The following RIMS2 variants were observed in gnomAD, a reference collection of about 807,000 sequenced individuals.
RIMS2 encodes the protein regulating synaptic membrane exocytosis protein 2.
RIMS2 carries 59 observed loss-of-function variants against 174.4 expected under a neutral mutation model. The ratio of observed to expected loss-of-function variants is 0.34; its 90% CI spans 0.27 to 0.42. The LOEUF is 0.42. Among genes scored for constraint, RIMS2 ranks in the 10% least tolerant of loss-of-function variants. The pLI is 1.00. For synonymous variants in RIMS2, 606 were observed against 572.5 expected, an observed-to-expected ratio of 1.06 and a Z score of -0.84; for missense variants, 1,620 against 1,666.3, an observed-to-expected ratio of 0.97 and a Z score of 0.48.
In RIMS2 at chr8:104,148,594, C is replaced by T; in HGVS notation, c.3335-96322C>T. On this transcript the variant is annotated intron_variant, in intron 19 of 23. Coordinates refer to ENST00000504942, the Ensembl canonical transcript of RIMS2. Reference sequence around the variant, plus strand: ...ACTCTTGTCCTCACTTTTAATGATCCATCGGCTGACAGTGTCTTTACATCC... The same window carrying T: ...ACTCTTGTCCTCACTTTTAATGATCTATCGGCTGACAGTGTCTTTACATCC... The T allele has an allele frequency of 1.9e-6, 3 of 1,592,772 alleles. No homozygotes were observed. The highest frequency in any genetic ancestry group is 2.6e-6 in the Non-Finnish European group (3 of 1,176,344).
At chr8:103,584,737 A>G (rs1441769888) in intron 1 of RIMS2, among the ~76,000 whole-genome samples, 2 of 152,208 alleles carry the variant, frequency 1.3e-5, no homozygotes, top group Admixed American at 6.5e-5. Flanking sequence ...CAATGCATAC[A>G]CAAAAAATAA....
chr8:103,517,105 T>C (rs1319752599), intron 1 of RIMS2, among the ~76,000 whole-genome samples: 1 of 152,170 alleles, frequency 6.6e-6, no homozygotes, highest in Admixed American at 6.5e-5. Context: ...GCTTATAATT[T>C]AGTGGTAAAG....
At chr8:103,539,022 AT>A (rs1231640459) in intron 1 of RIMS2, among the ~76,000 whole-genome samples, 1 of 152,142 alleles carries the variant, frequency 6.6e-6, no homozygotes, top group African/African-American at 2.4e-5. Context: ...ATCCAAGTTA[AT>A]TTTTCATAAG....
At chr8:103,556,001 AAGAG>A (rs1276941288) in intron 1 of RIMS2, among the ~76,000 whole-genome samples, 1 of 152,222 alleles carries the variant, frequency 6.6e-6, no homozygotes, top group East Asian at 1.9e-4. Flanking sequence ...AATTCATAGA[AAGAG>A]AGAGTAGAAT....
At chr8:103,640,676 G>A (rs955476509) in intron 1 of RIMS2, among the ~76,000 whole-genome samples, 3 of 151,928 alleles carry the variant, frequency 2.0e-5, no homozygotes, top group African/African-American at 7.2e-5. Flanking sequence ...CTATAGTTGT[G>A]CTGTTAATTT....
At chr8:103,676,038 C>T (rs1734892328) in intron 1 of RIMS2, among the ~76,000 whole-genome samples, 1 of 152,094 alleles carries the variant, frequency 6.6e-6, no homozygotes, top group South Asian at 2.1e-4. Flanking sequence ...TATCCTATCA[C>T]CATTTATTCA....
At position 103,873,656 on chromosome 8, in the gene RIMS2, G is replaced by A. The variant is rs908003395; in HGVS notation, c.699-11642G>A. Among the ~76,000 whole-genome samples, 13 of 152,168 alleles carry A rather than the reference G, an allele frequency of 8.5e-5. No homozygotes were observed. In the East Asian group the frequency reaches 2.5e-3, roughly 29 times the overall value. ...CAACATCAGAATTATCATGTAAAAT[G>A]TGATATTAAATATGCAATATTTTGA... On this transcript the variant is annotated intron_variant, in intron 3 of 23. Coordinates refer to ENST00000504942, the Ensembl canonical transcript of RIMS2.
At chr8:103,609,488 G>T (rs551026477) in intron 1 of RIMS2, among the ~76,000 whole-genome samples, 5 of 152,124 alleles carry the variant, frequency 3.3e-5, no homozygotes, top group Non-Finnish European at 4.4e-5. Flanking sequence ...ATAGTTTCAG[G>T]CTTTACATTT....
intron 16 of RIMS2, among the ~76,000 whole-genome samples, chr8:103,979,986 C>A (rs2093756277): frequency 1.3e-5 from 2 of 152,020 alleles, no homozygotes; most frequent in Admixed American, 1.3e-4. Context: ...GCTCTGGAGT[C>A]CTAGGTAAAC....
chr8:104,250,981 C>G (rs765316925), intron 22 of RIMS2, 43 bp from the exon 29 acceptor site: 31 of 1,576,474 alleles, frequency 2.0e-5, no homozygotes, highest in Non-Finnish European at 2.4e-5. Context: ...CATTTCATGT[C>G]CATAGTTTAT....
At chr8:103,910,292 T>G in intron 5 of RIMS2, 29 bp from the exon 8 acceptor site, 1 of 463,848 alleles carries the variant, frequency 2.2e-6, no homozygotes, top group Non-Finnish European at 3.0e-6. Flanking sequence ...TTTTTGTATC[T>G]TTTTTTTTTT....
chr8:103,871,561 G>T (rs929128229), intron 3 of RIMS2, among the ~76,000 whole-genome samples: 53 of 151,682 alleles, frequency 3.5e-4, no homozygotes, highest in Non-Finnish European at 1.0e-4. Context: ...TTTAAATGAA[G>T]TCTGACACTC....
chr8:104,009,853 CT>C (rs2095700582), intron 17 of RIMS2, among the ~76,000 whole-genome samples: 2 of 152,102 alleles, frequency 1.3e-5, no homozygotes, highest in South Asian at 4.1e-4. Context: ...AGACTAGGTC[CT>C]GAGTTACATA....
chr8:104,130,429 G>T (rs981864582), intron 19 of RIMS2, among the ~76,000 whole-genome samples: 1 of 152,138 alleles, frequency 6.6e-6, no homozygotes, highest in Admixed American at 6.5e-5. Flanking sequence ...GAATCCTGTA[G>T]CTGACTGAAA....
At chr8:103,654,978 T>C (rs2096507306) in intron 1 of RIMS2, among the ~76,000 whole-genome samples, 1 of 151,918 alleles carries the variant, frequency 6.6e-6, no homozygotes, top group African/African-American at 2.4e-5. Context: ...ATTTTGCGGT[T>C]GTTGAAAAAT....
At chr8:103,891,843 A>G (rs1266455392) in intron 4 of RIMS2, among the ~76,000 whole-genome samples, 6 of 152,106 alleles carry the variant, frequency 3.9e-5, no homozygotes, top group Non-Finnish European at 8.8e-5. Flanking sequence ...GACCTAGCAT[A>G]GGAGGAAGGA....
chr8:104,177,290 TG>T (rs2098907536), intron 19 of RIMS2, among the ~76,000 whole-genome samples: 1 of 152,150 alleles, frequency 6.6e-6, no homozygotes. Context: ...TGTTTAATAG[TG>T]TGGTGATGGT....
chr8:103,785,349 G>A (rs2098434026), intron 3 of RIMS2, among the ~76,000 whole-genome samples: 1 of 147,244 alleles, frequency 6.8e-6, no homozygotes, highest in Admixed American at 6.8e-5. Flanking sequence ...TCTTGTGCCA[G>A]TTTTCAAAGG....
intron 1 of RIMS2, among the ~76,000 whole-genome samples, chr8:103,521,181 T>TA (rs1831484689): frequency 6.6e-6 from 1 of 151,474 alleles, no homozygotes; most frequent in Non-Finnish European, 1.5e-5. Context: ...ATATACCTAA[T>TA]GCTAAATGAG....
Sources: allele counts gnomAD v4.1 joint callset (sites outside exome capture counted in the v4.1 genomes callset), GRCh38; gene constraint gnomAD v4.1.1; transcripts MANE v1.5; gene names NCBI Gene and HGNC (gene_info 2026-07-23, HGNC 2026-07-21).